Variants in GYPE observed in about 807,000 individuals in gnomAD.
The protein encoded by GYPE is glycophorin-E.
In GYPE, 8 loss-of-function variants were observed where a neutral mutation model predicts 11.6. The observed-to-expected ratio is 0.69, with a 90% CI of 0.41 to 1.25. The LOEUF (loss-of-function observed/expected upper bound fraction) is 1.25, where lower values mean the gene tolerates loss of function less well. Among genes scored for constraint, GYPE ranks in the 50% most tolerant of loss-of-function variants. GYPE has a pLI of 0.01. For missense variants in GYPE, 90 were observed against 92.8 expected (o/e 0.97, Z 0.12); for synonymous variants, 28 against 29.6 (o/e 0.94, Z 0.18).
chr4:143,881,552 A>T (rs552915409), intron 1 of GYPE, among the ~76,000 whole-genome samples: 2 of 152,240 alleles, frequency 1.3e-5, no homozygotes, highest in Non-Finnish European at 2.9e-5. Context: ...GTTTAAATAT[A>T]TATGAATATG....
intron 3 of GYPE, chr4:143,875,326 T>C: frequency 1.3e-6 from 1 of 744,464 alleles, no homozygotes; most frequent in Non-Finnish European, 2.2e-6. Context: ...AATTTGTATT[T>C]TGTTTTATTT....
intron 3 of GYPE, among the ~76,000 whole-genome samples, chr4:143,875,927 T>C (rs1743786937): frequency 6.6e-6 from 1 of 151,442 alleles, no homozygotes; most frequent in African/African-American, 2.4e-5. Flanking sequence ...TGAGCAGAGA[T>C]TGCGCCACTT....
chr4:143,894,014 T>C (rs567984323), intron 1 of GYPE, among the ~76,000 whole-genome samples: 19 of 152,280 alleles, frequency 1.2e-4, no homozygotes, highest in Non-Finnish European at 2.1e-4. Context: ...CATTTCTTTT[T>C]ATTCTTTTTT....
intron 2 of GYPE, among the ~76,000 whole-genome samples, chr4:143,879,879 G>A (rs1184500336): frequency 6.6e-6 from 1 of 152,064 alleles, no homozygotes; most frequent in Non-Finnish European, 1.5e-5. Flanking sequence ...TCAGCACCCA[G>A]CTTTGCTTAT....
At chr4:143,900,835 G>C (rs1481054187) in intron 1 of GYPE, among the ~76,000 whole-genome samples, 1 of 152,106 alleles carries the variant, frequency 6.6e-6, no homozygotes, top group Non-Finnish European at 1.5e-5. Context: ...TGGAGGAATT[G>C]GAAGTGGCTG....
chr4:143,881,762 C>A (rs548496448), intron 1 of GYPE, among the ~76,000 whole-genome samples: 1 of 152,050 alleles, frequency 6.6e-6, no homozygotes, highest in East Asian at 1.9e-4. Context: ...TTATGATAAA[C>A]GTCAGTACCC....
At chr4:143,890,568 T>TC (rs1186020266) in intron 1 of GYPE, among the ~76,000 whole-genome samples, 1 of 152,238 alleles carries the variant, frequency 6.6e-6, no homozygotes, top group African/African-American at 2.4e-5. Context: ...ATCTGTGATA[T>TC]CCAGGCATTG....
chr4:143,895,174 C>T (rs377684684), intron 1 of GYPE, among the ~76,000 whole-genome samples: 7 of 151,942 alleles, frequency 4.6e-5, no homozygotes, highest in South Asian at 4.2e-4. Flanking sequence ...GGCAGGAGAA[C>T]GAAATAAAGG....
At chr4:143,880,039 C>T (rs1360375516) in intron 2 of GYPE, among the ~76,000 whole-genome samples, 1 of 152,172 alleles carries the variant, frequency 6.6e-6, no homozygotes, top group African/African-American at 2.4e-5. Context: ...TGCAGGGCAA[C>T]TCACCCTGGG....
chr4:143,902,546 TCTTCTCC>T (rs962247830), intron 1 of GYPE, among the ~76,000 whole-genome samples: 1 of 151,846 alleles, frequency 6.6e-6, no homozygotes, highest in African/African-American at 2.4e-5. Context: ...TTCCCTTCTC[TCTTCTCC>T]CTTCTTGCCT....
intron 1 of GYPE, among the ~76,000 whole-genome samples, chr4:143,902,799 A>G (rs1744919628): frequency 6.6e-6 from 1 of 152,178 alleles, no homozygotes; most frequent in African/African-American, 2.4e-5. Flanking sequence ...TTAAATTAGT[A>G]TATTATGACC....
Position 143,905,512 on chromosome 4 carries a change from A to G in GYPE, c.-5T>C, listed in dbSNP as rs1352449820. On this transcript the variant is annotated 5_prime_UTR_variant, in exon 1 of 4. Coordinates refer to ENST00000358615, the MANE Select transcript of GYPE (RefSeq NM_198682.3). ...AAAGATTATTTTTCCATACATCCTG[A>G]GATCACGAGCTGGCTCCTGAAGTTA... is the stretch of plus-strand genomic sequence containing the variant. The G allele has an allele frequency of 1.2e-6, 2 of 1,613,122 alleles. No homozygotes were observed. The highest frequency in any genetic ancestry group is 1.1e-5 in the South Asian group (1 of 91,056).
intron 1 of GYPE, among the ~76,000 whole-genome samples, chr4:143,897,611 CA>C (rs1744700116): frequency 1.3e-5 from 2 of 152,136 alleles, no homozygotes; most frequent in South Asian, 4.1e-4. Flanking sequence ...TGCACATTAA[CA>C]GTGTCTCAAT....
At position 143,871,213 on chromosome 4, in the gene GYPE, G is replaced by A. The variant is rs1743609052; in HGVS notation, c.*1049C>T. On this transcript the variant is annotated 3_prime_UTR_variant, in exon 4 of 4. Coordinates refer to ENST00000358615, the MANE Select transcript of GYPE (RefSeq NM_198682.3). ...CCATATCAGTCATTCCACATATTGAGTGATTTCTCTCTTCTATTCAGTATT... is the reference window on the plus strand; with the variant it reads ...CCATATCAGTCATTCCACATATTGAATGATTTCTCTCTTCTATTCAGTATT... 1 of 151,940 alleles carries A rather than the reference G, an allele frequency of 6.6e-6. No homozygotes were observed. The highest frequency in any genetic ancestry group is 2.4e-5 in the African/African-American group (1 of 41,278). The allele number at this position is 151,940 out of a possible 1,614,324, so 9.4% of individuals were successfully genotyped here. A position where few individuals can be genotyped will look rare whatever the true frequency, so the allele number is the denominator to read the frequency against.
intron 3 of GYPE, among the ~76,000 whole-genome samples, chr4:143,875,858 CA>C (rs1743784407): frequency 6.6e-6 from 1 of 151,862 alleles, no homozygotes; most frequent in Admixed American, 6.6e-5. Context: ...CCTGTAGTCC[CA>C]ACTACTGTGG....
At chr4:143,875,461 C>T (rs1233527215) in intron 3 of GYPE, 23 of 1,550,754 alleles carry the variant, frequency 1.5e-5, no homozygotes, top group Non-Finnish European at 2.0e-5. Context: ...ACAGCAGGTG[C>T]AGCTGGTTCT....
rs200517309 is a variant in GYPE at position 143,890,481 on chromosome 4, TC to T, written c.38-9973del. 6.6e-3 allele frequency among the ~76,000 whole-genome samples: 999 copies of T among 152,334 alleles called. 18 individuals carry two copies. Among genetic ancestry groups the T allele is most frequent in the African/African-American group, 0.023 (951 of 41,570 alleles). On this transcript the variant is annotated intron_variant, in intron 1 of 3. Transcript: ENST00000358615. ...CCAAAGTTCTCACACCACTGGTACT[TC>T]CTTTCTCTGGTTGAACAATACAAAA...
chr4:143,891,650 TA>T (rs1028144035), intron 1 of GYPE, among the ~76,000 whole-genome samples: 4 of 151,966 alleles, frequency 2.6e-5, no homozygotes, highest in Non-Finnish European at 4.4e-5. Context: ...TTTAAGTACT[TA>T]AAAAAGTAAA....
chr4:143,898,461 TACAA>T (rs1487207709), intron 1 of GYPE, among the ~76,000 whole-genome samples: 1 of 152,142 alleles, frequency 6.6e-6, no homozygotes, highest in Admixed American at 6.5e-5. Flanking sequence ...GCAAAGACAT[TACAA>T]ACAGTGAAAA....
Sources: gnomAD v4.1 joint callset for allele counts (sites outside exome capture counted in the v4.1 genomes callset) on GRCh38, gnomAD v4.1.1 for gene constraint, MANE v1.5 for transcripts, NCBI Gene and HGNC (gene_info 2026-07-23, HGNC 2026-07-21) for gene names.